Variants in EYA1 observed in about 807,000 individuals in gnomAD.
EYA1 encodes the protein protein phosphatase EYA1.
Under a neutral mutation model 82.0 loss-of-function variants are expected in EYA1, and 16 were observed. The ratio of observed to expected loss-of-function variants is 0.20; its 90% confidence interval spans 0.13 to 0.30. The LOEUF (loss-of-function observed/expected upper bound fraction) is 0.30. Among genes scored for constraint, EYA1 ranks in the 10% least tolerant of loss-of-function variants. EYA1 has a pLI of 1.00. For missense variants in EYA1, 633 were observed against 730.7 expected (o/e 0.87, Z 1.54); for synonymous variants, 261 against 264.4 (o/e 0.99, Z 0.12).
At chr8:71,320,305 G>A (rs983475313) in intron 6 of EYA1, among the ~76,000 whole-genome samples, 3 of 152,146 alleles carry the variant, frequency 2.0e-5, no homozygotes, top group Non-Finnish European at 2.9e-5. Flanking sequence ...GGCAGCACTG[G>A]TAGGCTGACA....
chr8:71,515,878 A>G (rs1812939234), intron 2 of EYA1, among the ~76,000 whole-genome samples: 2 of 152,206 alleles, frequency 1.3e-5, no homozygotes, highest in African/African-American at 2.4e-5. Flanking sequence ...AATGATGAAT[A>G]TGACAAAGTA....
intron 6 of EYA1, among the ~76,000 whole-genome samples, chr8:71,321,062 T>C (rs1263756171): frequency 1.3e-5 from 2 of 152,188 alleles, no homozygotes; most frequent in African/African-American, 4.8e-5. Flanking sequence ...AATTCTGAAA[T>C]TTTTTTAATT....
intron 2 of EYA1, among the ~76,000 whole-genome samples, chr8:71,421,220 CAATT>C (rs1212631490): frequency 2.0e-5 from 3 of 152,120 alleles, no homozygotes; most frequent in Non-Finnish European, 2.9e-5. Flanking sequence ...GGTGATCAAT[CAATT>C]GTTTCAGGTT....
chr8:71,501,163 G>A (rs1188306861), intron 2 of EYA1, among the ~76,000 whole-genome samples: 1 of 152,192 alleles, frequency 6.6e-6, no homozygotes, highest in African/African-American at 2.4e-5. Flanking sequence ...TAAGACAATA[G>A]CATGGTATAT....
At chr8:71,251,311 C>T (rs948563752) in intron 11 of EYA1, among the ~76,000 whole-genome samples, 6 of 152,242 alleles carry the variant, frequency 3.9e-5, no homozygotes, top group South Asian at 4.1e-4. Flanking sequence ...TCTTGTTTAA[C>T]GAAGAAATTG....
At chr8:71,359,364 A>G (rs1319166100) in intron 1 of EYA1, among the ~76,000 whole-genome samples, 1 of 152,214 alleles carries the variant, frequency 6.6e-6, no homozygotes, top group African/African-American at 2.4e-5. Flanking sequence ...ATCTGTTAAT[A>G]CCATGCTCTT....
At chr8:71,453,097 C>A (rs1317743386) in intron 2 of EYA1, among the ~76,000 whole-genome samples, 1 of 152,176 alleles carries the variant, frequency 6.6e-6, no homozygotes, top group Non-Finnish European at 1.5e-5. Flanking sequence ...AGCTGAAAAC[C>A]ATGGCACAAG....
chr8:71,396,630 G>C (rs1036621736), intron 2 of EYA1, among the ~76,000 whole-genome samples: 6 of 152,172 alleles, frequency 3.9e-5, no homozygotes, highest in Non-Finnish European at 8.8e-5. Context: ...CTGAGTTCTA[G>C]TTTGATTGCA....
chr8:71,343,760 AC>A (rs1465825812), intron 3 of EYA1, among the ~76,000 whole-genome samples: 1 of 152,188 alleles, frequency 6.6e-6, no homozygotes, highest in Admixed American at 6.5e-5. Context: ...AACTAAAATG[AC>A]CCAATTGGCA....
At position 71,532,682 on chromosome 8, in the gene EYA1, G is replaced by A. The variant is rs558683478; in HGVS notation, c.33+3062C>T. Among the ~76,000 whole-genome samples the A allele has an allele frequency of 6.6e-5, 10 of 152,176 alleles. No homozygotes were observed. In the South Asian group the frequency reaches 8.3e-4, roughly 13 times the overall value. Reference sequence around the variant, plus strand: ...GGTCCGATTCCTATCAGAAATATGCGTAGGGAGGCAAGTATTTCAACCTTA... The same window carrying A: ...GGTCCGATTCCTATCAGAAATATGCATAGGGAGGCAAGTATTTCAACCTTA... On this transcript the variant is annotated intron_variant, in intron 2 of 18. Coordinates refer to the EYA1 transcript ENST00000643681.
rs535266356 is a variant in EYA1 at position 71,271,458 on chromosome 8, A to G, written c.966+300T>C. 7.9e-5 allele frequency among the ~76,000 whole-genome samples: 12 copies of G among 152,336 alleles called. No homozygotes were observed. In the South Asian group the frequency reaches 2.3e-3, roughly 29 times the overall value. On this transcript the variant is annotated intron_variant, in intron 10 of 17. Coordinates refer to ENST00000340726, the MANE Select transcript of EYA1 (RefSeq NM_000503.6). ...AGTATGACACTTAATTAAAATGGCA[A>G]TGATACAGATCAGCATAACAGAATT...
chr8:71,543,468 T>C, intron 1 of EYA1, among the ~76,000 whole-genome samples: 1 of 152,212 alleles, frequency 6.6e-6, no homozygotes, highest in Non-Finnish European at 1.5e-5. Flanking sequence ...ATTCCTAAAA[T>C]TATCAACCTT....
chr8:71,508,171 G>A (rs11990733), intron 2 of EYA1, among the ~76,000 whole-genome samples: 4,359 of 152,180 alleles, frequency 0.029, 221 homozygotes, highest in African/African-American at 0.099. Context: ...CCATTTCTCC[G>A]CATTATTCAG....
At chr8:71,359,847 T>C (rs1827216904) in intron 1 of EYA1, among the ~76,000 whole-genome samples, 1 of 152,144 alleles carries the variant, frequency 6.6e-6, no homozygotes, top group Non-Finnish European at 1.5e-5. Context: ...ACCTGAGTAC[T>C]CCCAAATTTG....
chr8:71,466,053 C>T (rs1214332886), intron 2 of EYA1, among the ~76,000 whole-genome samples: 45 of 152,106 alleles, frequency 3.0e-4, no homozygotes, highest in Admixed American at 2.6e-3. Context: ...GAAAGATACA[C>T]CTTTGTGCAG....
chr8:71,432,095 C>T (rs1267954517), intron 2 of EYA1, among the ~76,000 whole-genome samples: 2 of 152,180 alleles, frequency 1.3e-5, no homozygotes, highest in Non-Finnish European at 2.9e-5. Context: ...CTTCTCTGAA[C>T]TTCTTTTTAT....
chr8:71,224,378 A>G (rs145222234), intron 12 of EYA1, among the ~76,000 whole-genome samples: 469 of 152,352 alleles, frequency 3.1e-3, no homozygotes, highest in African/African-American at 0.01. Flanking sequence ...AGCTGTTTTC[A>G]TTGTGTCTTT....
At chr8:71,339,213 T>C (rs1824843597) in intron 3 of EYA1, among the ~76,000 whole-genome samples, 1 of 152,138 alleles carries the variant, frequency 6.6e-6, no homozygotes, top group South Asian at 2.1e-4. Flanking sequence ...CAGCCTCCCT[T>C]GCCTAGCCTG....
intron 2 of EYA1, among the ~76,000 whole-genome samples, chr8:71,415,620 C>T (rs532747273): frequency 2.6e-5 from 4 of 152,270 alleles, no homozygotes; most frequent in South Asian, 4.1e-4. Flanking sequence ...TTACATGGAG[C>T]CTTCCTCTTA....
Sources: gnomAD v4.1 joint callset for allele counts (sites outside exome capture counted in the v4.1 genomes callset) on GRCh38, gnomAD v4.1.1 for gene constraint, MANE v1.5 for transcripts, NCBI Gene and HGNC (gene_info 2026-07-23, HGNC 2026-07-21) for gene names.